Variants in DDC observed in about 807,000 individuals in gnomAD.
The protein encoded by DDC is aromatic-L-amino-acid decarboxylase.
A neutral mutation model predicts 60.0 loss-of-function variants in DDC; 43 were observed. The ratio of observed to expected loss-of-function variants is 0.72; its 90% CI spans 0.56 to 0.92. The LOEUF (loss-of-function observed/expected upper bound fraction) is 0.92, where lower values mean the gene tolerates loss of function less well. DDC is among the 40% of genes least tolerant of loss of function. The probability of loss-of-function intolerance (pLI) is 0.00; values close to 1 mark genes in which losing one functional copy is unlikely to be tolerated. For missense variants in DDC, 573 were observed against 620.2 expected, an observed-to-expected ratio of 0.92 and a Z score of 0.81; for synonymous variants, 232 against 234.6, an observed-to-expected ratio of 0.99 and a Z score of 0.10.
At chr7:50,499,707 A>G (rs527638111) in intron 7 of DDC, among the ~76,000 whole-genome samples, 5 of 152,106 alleles carry the variant, frequency 3.3e-5, no homozygotes, top group African/African-American at 9.6e-5. Flanking sequence ...CATCCCCACC[A>G]CCAGGTGAAG....
chr7:50,540,493 AAC>A (rs201412703), intron 2 of DDC, among the ~76,000 whole-genome samples: 1,559 of 71,758 alleles, frequency 0.022, 11 homozygotes, highest in Non-Finnish European at 0.036. Flanking sequence ...CAAACAAACA[AAC>A]AAAAAAAAAA....
chr7:50,542,021 T>C (rs1585264887), intron 2 of DDC, among the ~76,000 whole-genome samples: 2 of 151,506 alleles, frequency 1.3e-5, no homozygotes, highest in Admixed American at 1.3e-4. Context: ...GTGTGGGAGG[T>C]TGGTGATGAG....
chr7:50,504,139 C>G, intron 6 of DDC, 80 bp from the exon 7 acceptor site: 1 of 996,268 alleles, frequency 1.0e-6, no homozygotes, highest in South Asian at 1.3e-5. Flanking sequence ...AACTGCTGCC[C>G]CATGGTCCAA....
chr7:50,486,039 C>T (rs1170651694), intron 9 of DDC, among the ~76,000 whole-genome samples: 2 of 152,242 alleles, frequency 1.3e-5, no homozygotes, highest in Admixed American at 6.5e-5. Context: ...GTTCCACCTA[C>T]TTGTCTTTTG....
At chr7:50,507,629 A>G (rs1034120647) in intron 6 of DDC, among the ~76,000 whole-genome samples, 2 of 152,228 alleles carry the variant, frequency 1.3e-5, no homozygotes, top group Non-Finnish European at 2.9e-5. Context: ...AGTGATGTTC[A>G]CCAAACAGTA....
At chr7:50,559,514 G>A (rs552376315) in intron 1 of DDC, among the ~76,000 whole-genome samples, 8 of 150,198 alleles carry the variant, frequency 5.3e-5, no homozygotes, top group Admixed American at 2.0e-4. Flanking sequence ...TGCAACCTCC[G>A]CCTCCCGGGT....
intron 6 of DDC, among the ~76,000 whole-genome samples, chr7:50,519,045 C>T (rs767076871): frequency 5.9e-5 from 9 of 151,918 alleles, no homozygotes; most frequent in Non-Finnish European, 1.0e-4. Context: ...ATCAGTAACA[C>T]GATAAACAAA....
rs2043353517 is a variant in DDC at position 50,505,007 on chromosome 7, AG to A, written c.715-949del. 2.0e-5 allele frequency among the ~76,000 whole-genome samples: 3 copies of A among 152,240 alleles called. No individual in the cohort carries two copies. In the South Asian group the frequency reaches 6.2e-4, roughly 31 times the overall value. On this transcript the variant is annotated intron_variant, in intron 6 of 14. Transcript: ENST00000444124. ...TGCTGACATTGAAAATAATTTTAAA[AG>A]GGATGTTCTGAGAAAGCATTGAGTG...
At chr7:50,515,331 T>A (rs2043697713) in intron 6 of DDC, among the ~76,000 whole-genome samples, 1 of 152,132 alleles carries the variant, frequency 6.6e-6, no homozygotes, top group Non-Finnish European at 1.5e-5. Context: ...GAAGGAAAGA[T>A]ACAGTCCTTT....
chr7:50,462,016 A>C (rs1221512425), intron 14 of DDC, among the ~76,000 whole-genome samples: 1 of 152,202 alleles, frequency 6.6e-6, no homozygotes, highest in Non-Finnish European at 1.5e-5. Context: ...CTTGTTGAGC[A>C]CTATACTTTT....
intron 1 of DDC, among the ~76,000 whole-genome samples, chr7:50,562,687 C>T (rs374521470): frequency 6.6e-6 from 1 of 152,316 alleles, no homozygotes; most frequent in East Asian, 1.9e-4. Flanking sequence ...AGGGCTCCTA[C>T]AGGGCGGAGC....
chr7:50,476,965 C>A (rs11575483), intron 10 of DDC, among the ~76,000 whole-genome samples: 1,790 of 152,286 alleles, frequency 0.012, 32 homozygotes, highest in African/African-American at 0.041. Context: ...GCATTCAGAT[C>A]ACGTAAATCG....
chr7:50,564,643 G>A lies in DDC; in HGVS notation c.-29+642C>T, dbSNP rs149129381. 4.6e-5 allele frequency among the ~76,000 whole-genome samples: 7 copies of A among 152,242 alleles called. No homozygotes were observed. The East Asian group carries it at 1.3e-3, about 29-fold the overall frequency. Reference sequence around the variant, plus strand: ...CTTCGACTCCTTGAAGTCGATAACCGAACAATTCTCCCAATAGAAATTCCT... The same window carrying A: ...CTTCGACTCCTTGAAGTCGATAACCAAACAATTCTCCCAATAGAAATTCCT... On this transcript the variant is annotated intron_variant, in intron 1 of 14. Transcript: ENST00000444124.
chr7:50,461,516 C>G (rs993100968), intron 14 of DDC, among the ~76,000 whole-genome samples: 5 of 152,212 alleles, frequency 3.3e-5, no homozygotes, highest in Admixed American at 3.3e-4. Context: ...ACTGAGACTC[C>G]TATCGGAAAC....
At chr7:50,498,865 T>C (rs1257599914) in intron 8 of DDC, among the ~76,000 whole-genome samples, 3 of 152,244 alleles carry the variant, frequency 2.0e-5, no homozygotes, top group African/African-American at 4.8e-5. Flanking sequence ...TTTTATTTTG[T>C]TCCTACTTTC....
At chr7:50,520,076 G>T (rs2043850913) in intron 6 of DDC, among the ~76,000 whole-genome samples, 2 of 152,176 alleles carry the variant, frequency 1.3e-5, no homozygotes, top group African/African-American at 2.4e-5. Context: ...CACTCTTATA[G>T]TTGGAGACTT....
At chr7:50,528,315 G>A (rs1372889911) in intron 5 of DDC, 35 bp from the exon 6 acceptor site, 4 of 1,613,300 alleles carry the variant, frequency 2.5e-6, no homozygotes, top group Non-Finnish European at 2.5e-6. Flanking sequence ...ATTTGTACAG[G>A]TGTGTGCATG....
intron 6 of DDC, among the ~76,000 whole-genome samples, chr7:50,504,393 T>C (rs2043337312): frequency 6.6e-6 from 1 of 152,126 alleles, no homozygotes; most frequent in Non-Finnish European, 1.5e-5. Context: ...TTAGTAAATA[T>C]ACATATACTA....
intron 8 of DDC, 135 bp downstream of exon 8, chr7:50,499,013 T>A (rs780090694): frequency 3.7e-5 from 27 of 735,234 alleles, no homozygotes; most frequent in Non-Finnish European, 5.6e-5. Flanking sequence ...TCTGAGGAAG[T>A]CGGAATTGGT....
Sources: gnomAD v4.1 joint callset for allele counts (sites outside exome capture counted in the v4.1 genomes callset) on GRCh38, gnomAD v4.1.1 for gene constraint, MANE v1.5 for transcripts, NCBI Gene and HGNC (gene_info 2026-07-23, HGNC 2026-07-21) for gene names.